GPSM3: variants seen among roughly 807,000 people sequenced by gnomAD.
The protein encoded by GPSM3 is G protein-signaling modulator 3.
GPSM3 carries 16 observed loss-of-function variants against 20.4 expected under a neutral mutation model. The ratio of observed to expected loss-of-function variants is 0.78; its 90% CI spans 0.53 to 1.19. The LOEUF (loss-of-function observed/expected upper bound fraction) is 1.19, where lower values mean the gene tolerates loss of function less well. Ranked by LOEUF, GPSM3 falls within the 50% of genes most tolerant of loss-of-function variation. The probability of loss-of-function intolerance (pLI) is 0.00; values close to 1 mark genes in which losing one functional copy is unlikely to be tolerated. For synonymous variants in GPSM3, 70 were observed against 79.6 expected, an observed-to-expected ratio of 0.88 and a Z score of 0.64; for missense variants, 177 against 204.6, an observed-to-expected ratio of 0.86 and a Z score of 0.82.
At position 32,191,297 on chromosome 6, in the gene GPSM3, T is replaced by G. The variant is rs982386211; in HGVS notation, c.*69A>C. ...CTCTGGTACCCCTGCCAAGCAAGAGTTGAGGGCATGCAATGGGCTGCCCAG... is the reference window on the plus strand; with the variant it reads ...CTCTGGTACCCCTGCCAAGCAAGAGGTGAGGGCATGCAATGGGCTGCCCAG... On this transcript the variant is annotated 3_prime_UTR_variant, in exon 4 of 4. Coordinates refer to ENST00000375040, the MANE Select transcript of GPSM3 (RefSeq NM_001276501.2). This position sits in a 1 kb window ranked among gnomAD's most constrained non-coding sequence, Gnocchi z 5.9. 34 of 1,520,408 alleles carry G rather than the reference T, an allele frequency of 2.2e-5. No homozygotes were observed. Among genetic ancestry groups the G allele is most frequent in the Non-Finnish European group, 3.0e-5 (34 of 1,134,650 alleles). The allele number at this position is 1,520,408 out of a possible 1,614,324, so 94.2% of individuals were successfully genotyped here. A position where few individuals can be genotyped will look rare whatever the true frequency, so the allele number is the denominator to read the frequency against.
chr6:32,193,367 A>T (rs577773160), upstream of GPSM3, among the ~76,000 whole-genome samples: 1 of 152,200 alleles, frequency 6.6e-6, no homozygotes, highest in Non-Finnish European at 1.5e-5. This position sits in a 1 kb window ranked among gnomAD's most constrained non-coding sequence, Gnocchi z 4.7. Flanking sequence ...GGGCGTGGCC[A>T]CATGCGCCTG....
upstream of GPSM3, chr6:32,194,988 C>T (rs1787760054): frequency 8.3e-6 from 2 of 240,534 alleles, no homozygotes; most frequent in African/African-American, 2.2e-5. This position sits in a 1 kb window ranked among gnomAD's most constrained non-coding sequence, Gnocchi z 4.5. Flanking sequence ...CGGGGGTGGC[C>T]CTTGGCCACT....
In GPSM3 at chr6:32,191,246, T is replaced by C. The variant is rs1787486584; in HGVS notation, c.*120A>G. The C allele has an allele frequency of 6.6e-6, 8 of 1,203,558 alleles. No individual in the cohort carries two copies. The highest frequency in any genetic ancestry group is 2.7e-4 in the Middle Eastern group (1 of 3,772). 74.6% of individuals were successfully genotyped at this position (1,203,558 alleles called of 1,614,324 possible). A position where few individuals can be genotyped will look rare whatever the true frequency, so the allele number is the denominator to read the frequency against. ...GGGAAGGTGATGTGGGAGATGAATA[T>C]TGAGATTTGTGCCGTGTCTTTCAGT... On this transcript the variant is annotated 3_prime_UTR_variant, in exon 4 of 4. Coordinates refer to ENST00000375040, the MANE Select transcript of GPSM3 (RefSeq NM_001276501.2). The surrounding 1 kb of genome is among the most constrained non-coding windows in gnomAD (Gnocchi z 5.9).
upstream of GPSM3, chr6:32,195,039 A>C (rs1264829283): frequency 1.1e-5 from 3 of 262,690 alleles, no homozygotes; most frequent in East Asian, 1.7e-4. The surrounding 1 kb of genome is among the most constrained non-coding windows in gnomAD (Gnocchi z 5.4). Context: ...GTAGGTGCCC[A>C]ATAAATATTT....
At chr6:32,195,148 C>T, upstream of GPSM3, 2 of 451,494 alleles carry the variant, frequency 4.4e-6, no homozygotes, top group South Asian at 8.7e-5. This position sits in a 1 kb window ranked among gnomAD's most constrained non-coding sequence, Gnocchi z 5.4. Context: ...GCCTGCAATT[C>T]TTGGTTCCAA....
Position 32,192,604 on chromosome 6 carries a change from A to C in GPSM3, c.-91T>G, listed in dbSNP as rs531805923. Reference sequence around the variant, plus strand: ...GGTTCCTGAGGGGAGTGGGGGCTGGAAGGGGTGGGGGTGAGCTGGGGGCTG... The same window carrying C: ...GGTTCCTGAGGGGAGTGGGGGCTGGCAGGGGTGGGGGTGAGCTGGGGGCTG... On this transcript the variant is annotated 5_prime_UTR_variant, in exon 1 of 4. Transcript: ENST00000375040. This position sits in a 1 kb window ranked among gnomAD's most constrained non-coding sequence, Gnocchi z 5.1. 2.6e-4 allele frequency: 202 copies of C among 789,260 alleles called. 1 individual carries two copies. The highest frequency in any genetic ancestry group is 1.4e-3 in the African/African-American group (83 of 58,152). 48.9% of individuals were successfully genotyped at this position (789,260 alleles called of 1,614,324 possible).
chr6:32,194,755 A>T, upstream of GPSM3: 1 of 224,626 alleles, frequency 4.5e-6, no homozygotes, highest in Non-Finnish European at 8.9e-6. This position sits in a 1 kb window ranked among gnomAD's most constrained non-coding sequence, Gnocchi z 4.5. Context: ...TCCAATCCAA[A>T]TGCTGAGCCA....
chr6:32,194,552 C>T (rs1787734437), upstream of GPSM3, among the ~76,000 whole-genome samples: 2 of 152,088 alleles, frequency 1.3e-5, no homozygotes, highest in Non-Finnish European at 2.9e-5. The surrounding 1 kb of genome is among the most constrained non-coding windows in gnomAD (Gnocchi z 4.5). Context: ...TTGCTCACCT[C>T]CTGCTGTGTG....
Position 32,191,233 on chromosome 6 carries a change from T to G in GPSM3, c.*133A>C. ...TGTCCAGTTCCCAGGGAAGGTGATG[T>G]GGGAGATGAATATTGAGATTTGTGC... On this transcript the variant is annotated 3_prime_UTR_variant, in exon 4 of 4. Transcript: ENST00000375040. This position sits in a 1 kb window ranked among gnomAD's most constrained non-coding sequence, Gnocchi z 5.9. 1.9e-6 allele frequency: 2 copies of G among 1,072,938 alleles called. No individual in the cohort carries two copies. Among genetic ancestry groups the G allele is most frequent in the Non-Finnish European group, 2.6e-6 (2 of 763,378 alleles). 66.5% of individuals were successfully genotyped at this position (1,072,938 alleles called of 1,614,324 possible). A position where few individuals can be genotyped will look rare whatever the true frequency, so the allele number is the denominator to read the frequency against.
upstream of GPSM3, chr6:32,195,521 C>G (rs535015603): frequency 6.2e-7 from 1 of 1,613,094 alleles, no homozygotes; most frequent in Non-Finnish European, 8.5e-7. This position sits in a 1 kb window ranked among gnomAD's most constrained non-coding sequence, Gnocchi z 5.4. Flanking sequence ...ATCCCCGCTC[C>G]GGGGACGGAG....
Position 32,191,080 on chromosome 6 carries a change from C to A in GPSM3, c.*286G>T. The A allele has an allele frequency of 2.5e-6, 1 of 393,332 alleles. No individual in the cohort carries two copies. 24.4% of individuals were successfully genotyped at this position (393,332 alleles called of 1,614,324 possible). On this transcript the variant is annotated 3_prime_UTR_variant, in exon 4 of 4. Coordinates refer to ENST00000375040, the MANE Select transcript of GPSM3 (RefSeq NM_001276501.2). This position sits in a 1 kb window ranked among gnomAD's most constrained non-coding sequence, Gnocchi z 5.9. ...GTGTCCCCACAAGTTAGGGAAAAGA[C>A]TCCCAGCCACTCCTTGAGATGGGTG...
Position 32,192,455 on chromosome 6 carries a change from C to A in GPSM3, c.42+17G>T. 1.9e-6 allele frequency: 3 copies of A among 1,584,986 alleles called. No individual in the cohort carries two copies. The highest frequency in any genetic ancestry group is 2.3e-5 in the South Asian group (2 of 86,916). Reference sequence around the variant, plus strand: ...TCTTTCCCAGTGTCAGCCTCCCCAACCCCGTGCCCAGCTCACCTGCTCACC... The same window carrying A: ...TCTTTCCCAGTGTCAGCCTCCCCAAACCCGTGCCCAGCTCACCTGCTCACC... On this transcript the variant is annotated intron_variant, in intron 1 of 3. Coordinates refer to ENST00000375040, the MANE Select transcript of GPSM3 (RefSeq NM_001276501.2). This position sits in a 1 kb window ranked among gnomAD's most constrained non-coding sequence, Gnocchi z 5.1.
In GPSM3 at chr6:32,190,984, C is replaced by A; in HGVS notation, c.*382G>T. 1 of 185,270 alleles carries A rather than the reference C, an allele frequency of 5.4e-6. No homozygotes were observed. The highest frequency in any genetic ancestry group is 1.1e-5 in the Non-Finnish European group (1 of 90,116). The allele number at this position is 185,270 out of a possible 1,614,324, so 11.5% of individuals were successfully genotyped here. A position where few individuals can be genotyped will look rare whatever the true frequency, so the allele number is the denominator to read the frequency against. On this transcript the variant is annotated 3_prime_UTR_variant, in exon 4 of 4. Coordinates refer to ENST00000375040, the MANE Select transcript of GPSM3 (RefSeq NM_001276501.2). ...ACTGGGAGGAAGGGTAGAGCTGTCT[C>A]TCAGGTTATAACCTCTCAGGTGGAG...
At position 32,191,644 on chromosome 6, in the gene GPSM3, C is replaced by A. The variant is rs1180348475; in HGVS notation, c.345+65G>T. 2 of 1,494,138 alleles carry A rather than the reference C, an allele frequency of 1.3e-6. No individual in the cohort carries two copies. The highest frequency in any genetic ancestry group is 1.8e-6 in the Non-Finnish European group (2 of 1,104,034). 92.6% of individuals were successfully genotyped at this position (1,494,138 alleles called of 1,614,324 possible). On this transcript the variant is annotated intron_variant, in intron 3 of 3. Coordinates refer to ENST00000375040, the MANE Select transcript of GPSM3 (RefSeq NM_001276501.2). This position sits in a 1 kb window ranked among gnomAD's most constrained non-coding sequence, Gnocchi z 5.9. Reference sequence around the variant, plus strand: ...TGCCTAGGGAGAAACAGGAGTAGAGCCCCAAAGAGAACAGGGGCCAAGAGA... The same window carrying A: ...TGCCTAGGGAGAAACAGGAGTAGAGACCCAAAGAGAACAGGGGCCAAGAGA...
chr6:32,192,331 C>A lies in GPSM3; in HGVS notation c.43-81G>T. 1.5e-6 allele frequency: 2 copies of A among 1,346,712 alleles called. No homozygotes were observed. The highest frequency in any genetic ancestry group is 2.4e-5 in the East Asian group (1 of 40,986). 83.4% of individuals were successfully genotyped at this position (1,346,712 alleles called of 1,614,324 possible). ...TGGACAGGGGGCTAGGCCAGTGGCC[C>A]GTTTCCTCTCTGTGTGTCTCTGTTC... On this transcript the variant is annotated intron_variant, in intron 1 of 3. Coordinates refer to ENST00000375040, the MANE Select transcript of GPSM3 (RefSeq NM_001276501.2). This position sits in a 1 kb window ranked among gnomAD's most constrained non-coding sequence, Gnocchi z 5.1.
chr6:32,191,521 G>A lies in GPSM3; in HGVS notation c.346-18C>T. ...CGCTGGCACTGGAGGAGTGGAGGGA[G>A]AGGGAGAGCTTTGGTGAGGGTCTGA... is the stretch of plus-strand genomic sequence containing the variant. On this transcript the variant is annotated intron_variant, in intron 3 of 3. Coordinates refer to ENST00000375040, the MANE Select transcript of GPSM3 (RefSeq NM_001276501.2). This position sits in a 1 kb window ranked among gnomAD's most constrained non-coding sequence, Gnocchi z 5.9. The A allele has an allele frequency of 1.9e-6, 3 of 1,541,594 alleles. No homozygotes were observed. The highest frequency in any genetic ancestry group is 8.7e-7 in the Non-Finnish European group (1 of 1,145,206).
upstream of GPSM3, chr6:32,194,333 T>A (rs889454827): frequency 6.6e-6 from 1 of 152,214 alleles, no homozygotes; most frequent in Non-Finnish European, 1.5e-5. This position sits in a 1 kb window ranked among gnomAD's most constrained non-coding sequence, Gnocchi z 4.5. Context: ...GGGAAGAGTT[T>A]CGTGGAAGAC....
At position 32,192,545 on chromosome 6, in the gene GPSM3, G is replaced by C; in HGVS notation, c.-32C>G. ...GAGGGGAGAAACTGGTGGGGGAGGG[G>C]TGGCTGGGATTTGGGAGGAGGGCTG... On this transcript the variant is annotated 5_prime_UTR_variant, in exon 1 of 4. Coordinates refer to ENST00000375040, the MANE Select transcript of GPSM3 (RefSeq NM_001276501.2). This position sits in a 1 kb window ranked among gnomAD's most constrained non-coding sequence, Gnocchi z 5.1. The C allele has an allele frequency of 6.4e-7, 1 of 1,563,812 alleles. No individual in the cohort carries two copies. Among genetic ancestry groups the C allele is most frequent in the South Asian group, 1.2e-5 (1 of 85,464 alleles).
Position 32,191,797 on chromosome 6 carries a change from G to A in GPSM3, c.257C>T (p.Thr86Ile), listed in dbSNP as rs757892127. 3 of 1,612,394 alleles carry A rather than the reference G, an allele frequency of 1.9e-6. No homozygotes were observed. Among genetic ancestry groups the A allele is most frequent in the African/African-American group, 1.3e-5 (1 of 74,972 alleles). The change falls in exon 3 of 4, where the codon ACC becomes ATC. Residue 86 changes from threonine to isoleucine, a missense_variant. Thr to Ile is a moderately conservative substitution (Grantham distance 89). Transcript: ENST00000375040. The surrounding 1 kb of genome is among the most constrained non-coding windows in gnomAD (Gnocchi z 5.9). ...RLEEQRATFY[T>I]PQNPSSLAPA... ...GGCTAGGCTTGAGGGGTTTTGGGGG[G>A]TGTAGAAGGTGGCCCTCTGCTCCTC...
Sources: allele counts gnomAD v4.1 joint callset (sites outside exome capture counted in the v4.1 genomes callset), GRCh38; gene constraint gnomAD v4.1.1; non-coding constraint Gnocchi (gnomAD v3.1); transcripts MANE v1.5; gene names NCBI Gene and HGNC (gene_info 2026-07-23, HGNC 2026-07-21).